Variants in KLF12 observed in about 807,000 individuals in gnomAD.
The protein encoded by KLF12 is KLF transcription factor 12.
In KLF12, 9 loss-of-function variants were observed where a neutral mutation model predicts 37.8. The ratio of observed to expected loss-of-function variants is 0.24; its 90% CI spans 0.14 to 0.42. KLF12 has a LOEUF of 0.42. Ranked by LOEUF, KLF12 falls within the 10% of genes least tolerant of loss-of-function variation. KLF12 has a pLI of 1.00. For missense variants in KLF12, 411 were observed against 516.0 expected (o/e 0.80, Z 1.97); for synonymous variants, 208 against 202.1 (o/e 1.03, Z -0.25).
intron 2 of KLF12, among the ~76,000 whole-genome samples, chr13:73,984,361 A>G (rs1891768702): frequency 6.6e-6 from 1 of 152,210 alleles, no homozygotes; most frequent in Non-Finnish European, 1.5e-5. Context: ...TCGCTGGCAC[A>G]GGGAAGCGGC....
At chr13:74,218,412 A>G in the KLF12 span, among the ~76,000 whole-genome samples, 2 of 152,180 alleles carry the variant, frequency 1.3e-5, no homozygotes, top group African/African-American at 4.8e-5. Flanking sequence ...TCTGGGAAAA[A>G]CAAAGGTAGA....
intron 1 of KLF12, among the ~76,000 whole-genome samples, chr13:74,076,702 T>G (rs1275286668): frequency 6.6e-6 from 1 of 152,166 alleles, no homozygotes; most frequent in Non-Finnish European, 1.5e-5. Context: ...ATACGTAAAC[T>G]CATGTCACGG....
intron 5 of KLF12, chr13:73,801,926 T>C (rs1486998584): frequency 1.3e-5 from 2 of 152,126 alleles, no homozygotes; most frequent in Admixed American, 6.6e-5. Context: ...CAAAAGTTTG[T>C]TCTACTTTTT....
chr13:73,951,201 CATTCATTGCATCATTCATACATTG>C (rs1890634560), intron 2 of KLF12, among the ~76,000 whole-genome samples: 1 of 152,184 alleles, frequency 6.6e-6, no homozygotes, highest in Non-Finnish European at 1.5e-5. Context: ...ATGTGCTTTA[CATTCATTGCATCATTCATACATTG>C]ATTCATTCCC....
chr13:73,802,939 T>G (rs1265685692), intron 5 of KLF12, among the ~76,000 whole-genome samples: 5 of 152,142 alleles, frequency 3.3e-5, no homozygotes, highest in African/African-American at 4.8e-5. Flanking sequence ...ATATGGACAT[T>G]TTATCATTTT....
the KLF12 span, among the ~76,000 whole-genome samples, chr13:74,298,440 A>C: frequency 6.6e-6 from 1 of 152,168 alleles, no homozygotes; most frequent in African/African-American, 2.4e-5. Flanking sequence ...CTGCGTTTCA[A>C]ATGCTCCACA....
At chr13:74,130,399 T>A (rs1878194027) in intron 1 of KLF12, among the ~76,000 whole-genome samples, 1 of 152,240 alleles carries the variant, frequency 6.6e-6, no homozygotes, top group African/African-American at 2.4e-5. Flanking sequence ...GCCAGCGCAG[T>A]CGCTGATGCC....
intron 1 of KLF12, among the ~76,000 whole-genome samples, chr13:74,002,731 A>G (rs1414876540): frequency 1.3e-5 from 2 of 152,252 alleles, no homozygotes; most frequent in Non-Finnish European, 2.9e-5. Context: ...AAATTGAAGA[A>G]GGTCAACTCA....
chr13:73,758,398 T>C, intron 6 of KLF12, among the ~76,000 whole-genome samples: 1 of 152,166 alleles, frequency 6.6e-6, no homozygotes, highest in Non-Finnish European at 1.5e-5. Context: ...TAGACAACAA[T>C]AGACTACAAA....
At chr13:74,070,178 A>T (rs1874147585) in intron 1 of KLF12, among the ~76,000 whole-genome samples, 1 of 152,228 alleles carries the variant, frequency 6.6e-6, no homozygotes, top group Non-Finnish European at 1.5e-5. Flanking sequence ...CAAGACTACA[A>T]AGTGACAGGA....
intron 2 of KLF12, among the ~76,000 whole-genome samples, chr13:73,990,278 T>C (rs1251534626): frequency 6.6e-6 from 1 of 152,102 alleles, no homozygotes. Flanking sequence ...TCTCAGAGAT[T>C]AAGAGCAAGA....
At chr13:74,300,571 T>C in the KLF12 span, among the ~76,000 whole-genome samples, 8 of 152,244 alleles carry the variant, frequency 5.3e-5, no homozygotes, top group East Asian at 1.2e-3. Context: ...GAGACAACCA[T>C]CACCTTGCCA....
Position 73,881,789 on chromosome 13 carries a change from T to C in KLF12, c.124-35416A>G, listed in dbSNP as rs116221485. Among the ~76,000 whole-genome samples, 956 of 152,306 alleles carry C rather than the reference T, an allele frequency of 6.3e-3. 9 individuals are homozygous for C. The highest frequency in any genetic ancestry group is 0.031 in the Middle Eastern group (9 of 294). ...CTTTGGCTTTCCCATTCCAATTTAC[T>C]GATAACTTTACACATCTAATCCTGG... On this transcript the variant is annotated intron_variant, in intron 3 of 7. Transcript: ENST00000377669.
intron 1 of KLF12, among the ~76,000 whole-genome samples, chr13:74,059,625 A>G (rs1873456808): frequency 6.6e-6 from 1 of 151,932 alleles, no homozygotes; most frequent in South Asian, 2.1e-4. Context: ...TCCACTTTTT[A>G]ATGGAGTTTT....
chr13:73,952,928 A>C (rs1890696265), intron 2 of KLF12, among the ~76,000 whole-genome samples: 1 of 152,206 alleles, frequency 6.6e-6, no homozygotes, highest in Non-Finnish European at 1.5e-5. Context: ...TGGCAGTGGG[A>C]AGAAAGAGGA....
At chr13:73,715,143 GACT>G (rs1330311361) in intron 7 of KLF12, among the ~76,000 whole-genome samples, 4 of 152,122 alleles carry the variant, frequency 2.6e-5, no homozygotes, top group Admixed American at 6.6e-5. Flanking sequence ...CTGTGAGAAA[GACT>G]ACTAGATCAC....
chr13:74,111,007 G>C (rs776266947), intron 1 of KLF12, among the ~76,000 whole-genome samples: 2 of 151,980 alleles, frequency 1.3e-5, no homozygotes, highest in Admixed American at 6.6e-5. Context: ...ACAAAAATTA[G>C]CCAGGCATGG....
chr13:74,250,514 C>T, the KLF12 span, among the ~76,000 whole-genome samples: 65 of 152,122 alleles, frequency 4.3e-4, 1 homozygote, highest in East Asian at 8.9e-3. Context: ...AACCATGAGA[C>T]TATTGGAGGG....
At chr13:73,723,175 G>T (rs949806656) in intron 6 of KLF12, among the ~76,000 whole-genome samples, 1 of 152,132 alleles carries the variant, frequency 6.6e-6, no homozygotes, top group Non-Finnish European at 1.5e-5. Flanking sequence ...GATGAAATTA[G>T]ACTACAAGTT....
Sources: allele counts gnomAD v4.1 joint callset (sites outside exome capture counted in the v4.1 genomes callset), GRCh38; gene constraint gnomAD v4.1.1; transcripts MANE v1.5; gene names NCBI Gene and HGNC (gene_info 2026-07-23, HGNC 2026-07-21).